Variants in PARD3 observed in about 807,000 individuals in gnomAD.
The protein encoded by PARD3 is par-3 family cell polarity regulator, also known as partitioning defective 3 homolog.
PARD3 carries 75 observed loss-of-function variants against 155.4 expected under a neutral mutation model. That is an observed-to-expected ratio of 0.48 (90% confidence interval 0.40 to 0.58). PARD3 has a LOEUF of 0.58. Among genes scored for constraint, PARD3 ranks in the 20% least tolerant of loss-of-function variants. PARD3 has a pLI of 0.00. For synonymous variants in PARD3, 576 were observed against 610.5 expected (o/e 0.94, Z 0.83); for missense variants, 1,642 against 1,721.7 (o/e 0.95, Z 0.82).
In PARD3 at chr10:34,530,794, T is replaced by C. The variant is rs146465178; in HGVS notation, c.223-13635A>G. On this transcript the variant is annotated intron_variant, in intron 2 of 24. Coordinates refer to ENST00000374788, the MANE Select transcript of PARD3 (RefSeq NM_001184785.2). Reference sequence around the variant, plus strand: ...GTCCCTTCCATAGTAACGACCATCCTTTCCAAAGGGTACTGTGTGTAATGA... The same window carrying C: ...GTCCCTTCCATAGTAACGACCATCCCTTCCAAAGGGTACTGTGTGTAATGA... Among the ~76,000 whole-genome samples the C allele has an allele frequency of 1.3e-3, 198 of 152,334 alleles. 1 individual carries two copies. Among genetic ancestry groups the C allele is most frequent in the African/African-American group, 4.6e-3 (190 of 41,584 alleles).
chr10:34,495,179 AAAAC>A (rs1044756361), intron 3 of PARD3, among the ~76,000 whole-genome samples: 3 of 152,166 alleles, frequency 2.0e-5, no homozygotes, highest in African/African-American at 7.2e-5. Flanking sequence ...AAGCAAAAAA[AAAAC>A]AAACAAAAAC....
chr10:34,618,412 A>G (rs2091409798), intron 2 of PARD3, among the ~76,000 whole-genome samples: 1 of 152,208 alleles, frequency 6.6e-6, no homozygotes, highest in Admixed American at 6.5e-5. Flanking sequence ...ACTCTTGGTG[A>G]CATCAAGTGA....
At chr10:34,396,716 G>A (rs74134120) in intron 7 of PARD3, among the ~76,000 whole-genome samples, 3,809 of 151,932 alleles carry the variant, frequency 0.025, 147 homozygotes, top group African/African-American at 0.086. Context: ...AAGTTATCTT[G>A]GAAATTTCTA....
At chr10:34,645,045 G>T (rs775816951) in intron 2 of PARD3, among the ~76,000 whole-genome samples, 13 of 152,172 alleles carry the variant, frequency 8.5e-5, no homozygotes, top group Non-Finnish European at 1.9e-4. Flanking sequence ...TAGTGATGGG[G>T]TCTCACTATG....
chr10:34,240,358 C>A (rs1953503305), intron 22 of PARD3, among the ~76,000 whole-genome samples: 1 of 152,126 alleles, frequency 6.6e-6, no homozygotes, highest in Admixed American at 6.5e-5. Context: ...AGCATATACT[C>A]TAAAATATTA....
intron 22 of PARD3, among the ~76,000 whole-genome samples, chr10:34,147,547 T>C (rs1948574400): frequency 6.6e-6 from 1 of 151,848 alleles, no homozygotes; most frequent in African/African-American, 2.4e-5. Context: ...TCTTTATAAG[T>C]TTATATATAT....
chr10:34,508,424 G>C (rs971513954), intron 3 of PARD3, among the ~76,000 whole-genome samples: 1 of 152,012 alleles, frequency 6.6e-6, no homozygotes, highest in African/African-American at 2.4e-5. Flanking sequence ...CTTCAGTCTA[G>C]ATCTTCCAGA....
chr10:34,634,087 T>G (rs770411571), intron 2 of PARD3, among the ~76,000 whole-genome samples: 1 of 152,148 alleles, frequency 6.6e-6, no homozygotes, highest in Non-Finnish European at 1.5e-5. Context: ...ATGGCAGGAA[T>G]AGATGACACT....
intron 1 of PARD3, among the ~76,000 whole-genome samples, chr10:34,779,895 G>A (rs940425816): frequency 1.3e-5 from 2 of 152,198 alleles, no homozygotes; most frequent in African/African-American, 4.8e-5. Context: ...CAAATTCCTT[G>A]GTGATTTTCT....
Position 34,309,430 on chromosome 10 carries a change from C to T in PARD3, c.3065+7677G>A, listed in dbSNP as rs184126080. Among the ~76,000 whole-genome samples, 11 of 151,520 alleles carry T rather than the reference C, an allele frequency of 7.3e-5. No individual in the cohort carries two copies. In the South Asian group the frequency reaches 1.3e-3, roughly 17 times the overall value. On this transcript the variant is annotated intron_variant, in intron 20 of 24. Coordinates refer to ENST00000374788, the MANE Select transcript of PARD3 (RefSeq NM_001184785.2). Reference sequence around the variant, plus strand: ...AAAAAGTAGTAGGCACAGTGGTGCACGCCTGTAGTCCCAGCTACTGGGAAG... The same window carrying T: ...AAAAAGTAGTAGGCACAGTGGTGCATGCCTGTAGTCCCAGCTACTGGGAAG...
At chr10:34,675,758 T>C (rs2093693212) in intron 2 of PARD3, 1 of 177,360 alleles carries the variant, frequency 5.6e-6, no homozygotes, top group African/African-American at 2.3e-5. Context: ...CCTCTGTCAG[T>C]ATTACAGAGG....
chr10:34,754,297 T>G (rs775327703), intron 1 of PARD3, among the ~76,000 whole-genome samples: 2 of 152,214 alleles, frequency 1.3e-5, no homozygotes, highest in Non-Finnish European at 2.9e-5. Flanking sequence ...TGAACCACCA[T>G]GCCTGGCCTG....
intron 7 of PARD3, among the ~76,000 whole-genome samples, chr10:34,388,529 T>C (rs1842569340): frequency 1.3e-5 from 2 of 152,262 alleles, no homozygotes; most frequent in African/African-American, 4.8e-5. Context: ...AACAATATAA[T>C]TAAAAACAAA....
At chr10:34,439,963 C>G (rs1230281625) in intron 5 of PARD3, among the ~76,000 whole-genome samples, 1 of 152,006 alleles carries the variant, frequency 6.6e-6, no homozygotes, top group Non-Finnish European at 1.5e-5. Flanking sequence ...CATATATCTA[C>G]AGAAGTCACA....
intron 2 of PARD3, among the ~76,000 whole-genome samples, chr10:34,553,515 G>A (rs1451300603): frequency 6.6e-6 from 1 of 152,138 alleles, no homozygotes; most frequent in Non-Finnish European, 1.5e-5. Context: ...CCACACAGAG[G>A]GAAAAGGGGA....
intron 14 of PARD3, among the ~76,000 whole-genome samples, chr10:34,354,720 A>G (rs1221380545): frequency 3.3e-5 from 5 of 152,152 alleles, no homozygotes; most frequent in Non-Finnish European, 7.4e-5. Flanking sequence ...CTGAGAAATT[A>G]CCAGAAACAC....
At chr10:34,311,262 TTTTTTTATTTATTTTTTTTAA>T (rs955544999) in intron 20 of PARD3, among the ~76,000 whole-genome samples, 6 of 151,972 alleles carry the variant, frequency 3.9e-5, no homozygotes, top group African/African-American at 1.5e-4. Context: ...GTTATTTATT[TTTTTTTATTTATTTTTTTTAA>T]TAGAGACAGG....
intron 1 of PARD3, among the ~76,000 whole-genome samples, chr10:34,739,989 C>G (rs765333565): frequency 1.3e-5 from 2 of 152,176 alleles, no homozygotes; most frequent in Non-Finnish European, 2.9e-5. Context: ...CTCCTACACA[C>G]TGACCCGCCA....
chr10:34,596,008 C>G (rs1315760265), intron 2 of PARD3, among the ~76,000 whole-genome samples: 2 of 152,152 alleles, frequency 1.3e-5, no homozygotes, highest in Admixed American at 1.3e-4. Flanking sequence ...TAATATTACC[C>G]TTGTATTGCA....
Sources: gnomAD v4.1 joint callset for allele counts (sites outside exome capture counted in the v4.1 genomes callset) on GRCh38, gnomAD v4.1.1 for gene constraint, MANE v1.5 for transcripts, NCBI Gene and HGNC (gene_info 2026-07-23, HGNC 2026-07-21) for gene names.